TMPRSS11A: variants seen among roughly 807,000 people sequenced by gnomAD.
The protein encoded by TMPRSS11A is transmembrane protease serine 11A.
A neutral mutation model predicts 58.9 loss-of-function variants in TMPRSS11A; 53 were observed. That is an observed-to-expected ratio of 0.90 (90% CI 0.72 to 1.13). TMPRSS11A has a LOEUF of 1.13. Ranked by LOEUF, TMPRSS11A falls within the 50% of genes most tolerant of loss-of-function variation. The pLI, the probability that TMPRSS11A is intolerant of heterozygous loss-of-function variation, is 0.00. For synonymous variants in TMPRSS11A, 167 were observed against 169.8 expected, an observed-to-expected ratio of 0.98 and a Z score of 0.13; for missense variants, 493 against 499.3, an observed-to-expected ratio of 0.99 and a Z score of 0.12.
At chr4:67,919,729 A>G (rs987264917) in intron 7 of TMPRSS11A, among the ~76,000 whole-genome samples, 14 of 152,336 alleles carry the variant, frequency 9.2e-5, no homozygotes, top group Middle Eastern at 3.4e-3. Context: ...GATTATTTTG[A>G]TAACGCATTT....
intron 3 of TMPRSS11A, among the ~76,000 whole-genome samples, chr4:67,940,033 C>T (rs891369968): frequency 1.3e-5 from 2 of 152,126 alleles, no homozygotes; most frequent in Non-Finnish European, 2.9e-5. Flanking sequence ...TGGTAAATCG[C>T]ATTTATTGAT....
chr4:67,959,708 T>G (rs1721377487), intron 1 of TMPRSS11A, among the ~76,000 whole-genome samples: 1 of 152,230 alleles, frequency 6.6e-6, no homozygotes, highest in South Asian at 2.1e-4. Context: ...AAGGGAATTT[T>G]TATACACTGT....
intron 7 of TMPRSS11A, among the ~76,000 whole-genome samples, chr4:67,920,557 T>TTTA (rs1560564284): frequency 2.2e-5 from 3 of 137,088 alleles, no homozygotes; most frequent in African/African-American, 2.7e-5. Context: ...ATATTTTTTT[T>TTTA]TATATATACA....
intron 5 of TMPRSS11A, among the ~76,000 whole-genome samples, chr4:67,926,314 A>G (rs1327284133): frequency 1.3e-5 from 2 of 152,226 alleles, no homozygotes; most frequent in Non-Finnish European, 2.9e-5. Context: ...CTTAATCTAG[A>G]ATCTCTACAG....
intron 5 of TMPRSS11A, 63 bp downstream of exon 5, chr4:67,929,817 G>T: frequency 1.5e-6 from 2 of 1,327,080 alleles, no homozygotes; most frequent in Non-Finnish European, 2.0e-6. Flanking sequence ...AAATAAATTT[G>T]AGATTCGTCA....
chr4:67,945,320 T>A (rs911132380), intron 2 of TMPRSS11A, among the ~76,000 whole-genome samples: 1 of 151,834 alleles, frequency 6.6e-6, no homozygotes, highest in African/African-American at 2.4e-5. Context: ...AGATAGAGAA[T>A]GGGAAAAATA....
intron 2 of TMPRSS11A, among the ~76,000 whole-genome samples, chr4:67,945,934 A>G (rs1371356429): frequency 6.6e-6 from 1 of 152,192 alleles, no homozygotes; most frequent in African/African-American, 2.4e-5. Context: ...TCTAAAAATA[A>G]ATGATAATAT....
At chr4:67,927,024 CT>C (rs1386892279) in intron 5 of TMPRSS11A, among the ~76,000 whole-genome samples, 1 of 152,158 alleles carries the variant, frequency 6.6e-6, no homozygotes, top group African/African-American at 2.4e-5. Context: ...TTGGGACACC[CT>C]GGCTATGAAG....
At chr4:67,953,759 C>T (rs1051484056) in intron 1 of TMPRSS11A, among the ~76,000 whole-genome samples, 25 of 151,706 alleles carry the variant, frequency 1.6e-4, no homozygotes, top group Non-Finnish European at 2.8e-4. Flanking sequence ...GATACCATTG[C>T]ACTCCAGCCT....
At chr4:67,939,973 G>C (rs1720841619) in intron 3 of TMPRSS11A, among the ~76,000 whole-genome samples, 1 of 152,202 alleles carries the variant, frequency 6.6e-6, no homozygotes, top group Non-Finnish European at 1.5e-5. Flanking sequence ...ACAAGTGTGA[G>C]CCACCATGCC....
intron 3 of TMPRSS11A, among the ~76,000 whole-genome samples, chr4:67,943,546 A>C (rs767249318): frequency 2.6e-5 from 4 of 152,124 alleles, no homozygotes; most frequent in Non-Finnish European, 4.4e-5. Flanking sequence ...ATCCTAGCAT[A>C]ACTTAAGAAC....
At chr4:67,955,486 T>C (rs553181393) in intron 1 of TMPRSS11A, among the ~76,000 whole-genome samples, 16 of 152,226 alleles carry the variant, frequency 1.1e-4, no homozygotes, top group Non-Finnish European at 1.6e-4. Flanking sequence ...TATGCCTGCA[T>C]GCAAAAGGAA....
At chr4:67,954,573 T>C (rs780052799) in intron 1 of TMPRSS11A, among the ~76,000 whole-genome samples, 1 of 152,226 alleles carries the variant, frequency 6.6e-6, no homozygotes, top group Non-Finnish European at 1.5e-5. Flanking sequence ...ATTAGCAAAA[T>C]ATGGAGTTTT....
intron 1 of TMPRSS11A, among the ~76,000 whole-genome samples, chr4:67,953,270 G>A (rs1337490024): frequency 1.3e-5 from 2 of 152,108 alleles, no homozygotes; most frequent in Non-Finnish European, 1.5e-5. Context: ...TTTAAATGAA[G>A]TTAAATAGAA....
intron 7 of TMPRSS11A, among the ~76,000 whole-genome samples, chr4:67,919,734 G>T (rs755962367): frequency 1.3e-5 from 2 of 152,148 alleles, no homozygotes; most frequent in Non-Finnish European, 2.9e-5. Flanking sequence ...TTTTGATAAC[G>T]CATTTGGGCT....
At chr4:67,930,181 A>G in intron 4 of TMPRSS11A, 141 bp from the exon 5 acceptor site, 1 of 609,194 alleles carries the variant, frequency 1.6e-6, no homozygotes, top group Non-Finnish European at 2.6e-6. Context: ...ATTCTGACCC[A>G]AGGTCATTTC....
At chr4:67,944,687 C>T in intron 2 of TMPRSS11A, 50 bp from the exon 3 acceptor site, 1 of 1,544,536 alleles carries the variant, frequency 6.5e-7, no homozygotes. Flanking sequence ...ACAAAGATTT[C>T]AGAACTCAAT....
chr4:67,960,592 A>G (rs1721398539), intron 1 of TMPRSS11A, among the ~76,000 whole-genome samples: 1 of 152,228 alleles, frequency 6.6e-6, no homozygotes, highest in South Asian at 2.1e-4. Context: ...GCTGAAAACT[A>G]AACCAAAAAG....
intron 8 of TMPRSS11A, among the ~76,000 whole-genome samples, chr4:67,916,990 A>C (rs925103601): frequency 5.3e-5 from 8 of 152,150 alleles, no homozygotes; most frequent in Non-Finnish European, 8.8e-5. Context: ...AGCATAGCCC[A>C]TAAATTCTGG....
Sources: gnomAD v4.1 joint callset for allele counts (sites outside exome capture counted in the v4.1 genomes callset) on GRCh38, gnomAD v4.1.1 for gene constraint, MANE v1.5 for transcripts, NCBI Gene and HGNC (gene_info 2026-07-23, HGNC 2026-07-21) for gene names.